Variants in CDC42BPA observed in about 807,000 individuals in gnomAD.
CDC42BPA encodes serine/threonine-protein kinase MRCK alpha.
A neutral mutation model predicts 223.5 loss-of-function variants in CDC42BPA; 80 were observed. That is an observed-to-expected ratio of 0.36 (90% CI 0.30 to 0.43). CDC42BPA has a LOEUF of 0.43. CDC42BPA is among the 20% of genes least tolerant of loss of function. CDC42BPA has a pLI of 1.00. For missense variants in CDC42BPA, 1,743 were observed against 2,099.9 expected (o/e 0.83, Z 3.32); for synonymous variants, 694 against 718.6 (o/e 0.97, Z 0.55).
At chr1:227,269,694 A>C (rs1167078734) in intron 1 of CDC42BPA, among the ~76,000 whole-genome samples, 2 of 152,144 alleles carry the variant, frequency 1.3e-5, no homozygotes, top group African/African-American at 4.8e-5. Context: ...TATTAGAAAA[A>C]TAGGCACTGG....
chr1:227,237,045 C>CCAAAAA (rs1679175640), intron 2 of CDC42BPA, among the ~76,000 whole-genome samples: 1 of 84,396 alleles, frequency 1.2e-5, no homozygotes, highest in Non-Finnish European at 2.2e-5. Flanking sequence ...CCGGTCTCCA[C>CCAAAAA]AAAAAAAAAA....
chr1:226,996,580 C>T lies in CDC42BPA; in HGVS notation c.4976-1600G>A, dbSNP rs191983292. Among the ~76,000 whole-genome samples the T allele has an allele frequency of 5.0e-3, 765 of 152,138 alleles. 3 individuals carry two copies. Among genetic ancestry groups the T allele is most frequent in the Non-Finnish European group, 7.4e-3 (503 of 67,996 alleles). On this transcript the variant is annotated intron_variant, in intron 35 of 36. Coordinates refer to ENST00000366766, the MANE Select transcript of CDC42BPA (RefSeq NM_001394014.1). Reference sequence around the variant, plus strand: ...GGAATGCTTCCAGCTTTTGCCCATTCGGTATGATATTGGCTGTGGGTTTGT... The same window carrying T: ...GGAATGCTTCCAGCTTTTGCCCATTTGGTATGATATTGGCTGTGGGTTTGT...
rs528637478 is a variant in CDC42BPA at position 226,994,754 on chromosome 1, G to A, written c.5133+69C>T. 5 of 1,441,666 alleles carry A rather than the reference G, an allele frequency of 3.5e-6. No individual in the cohort carries two copies. Among genetic ancestry groups the A allele is most frequent in the Non-Finnish European group, 4.7e-6 (5 of 1,060,704 alleles). 89.3% of individuals were successfully genotyped at this position (1,441,666 alleles called of 1,614,324 possible). A position where few individuals can be genotyped will look rare whatever the true frequency, so the allele number is the denominator to read the frequency against. On this transcript the variant is annotated intron_variant, in intron 36 of 36. Transcript: ENST00000366766. This position sits in a 1 kb window ranked among gnomAD's most constrained non-coding sequence, Gnocchi z 4.0. ...CTGCAGCTGAGGCCAATCCCAAGGT[G>A]GTGGGATTGCCTGGGAAGATGCCCT...
rs192770568 is a variant in CDC42BPA, at chr1:227,202,074, C to T, written c.355-2422G>A. On this transcript the variant is annotated intron_variant, in intron 3 of 36. Coordinates refer to ENST00000366766, the MANE Select transcript of CDC42BPA (RefSeq NM_001394014.1). Reference sequence around the variant, plus strand: ...TCTCAGCTCACTGCAACCTCTGCCTCCGGGTGTGAGCAATTCTCCTGCCTT... The same window carrying T: ...TCTCAGCTCACTGCAACCTCTGCCTTCGGGTGTGAGCAATTCTCCTGCCTT... Among the ~76,000 whole-genome samples, 125 of 152,268 alleles carry T rather than the reference C, an allele frequency of 8.2e-4. 1 individual carries two copies. Among genetic ancestry groups the T allele is most frequent in the African/African-American group, 2.9e-3 (119 of 41,562 alleles).
chr1:227,133,545 T>G (rs901270348), intron 10 of CDC42BPA, among the ~76,000 whole-genome samples: 5 of 152,304 alleles, frequency 3.3e-5, no homozygotes, highest in African/African-American at 1.2e-4. Flanking sequence ...GGGAAAAGAT[T>G]GAGAAATCGG....
At chr1:227,251,923 T>A (rs1394598233) in intron 2 of CDC42BPA, among the ~76,000 whole-genome samples, 1 of 152,000 alleles carries the variant, frequency 6.6e-6, no homozygotes, top group Non-Finnish European at 1.5e-5. Flanking sequence ...TGTTTAGAAA[T>A]TTTTTTAATG....
rs926635978 is a variant in CDC42BPA, at chr1:227,294,632, G to A, written c.178+22373C>T. Reference sequence around the variant, plus strand: ...TCCCAGCACTTTGGGAGGCCGAGGCGGGCGGATCACGAGGTCAGGAGATCG... The same window carrying A: ...TCCCAGCACTTTGGGAGGCCGAGGCAGGCGGATCACGAGGTCAGGAGATCG... On this transcript the variant is annotated intron_variant, in intron 1 of 36. Coordinates refer to ENST00000366766, the MANE Select transcript of CDC42BPA (RefSeq NM_001394014.1). 1.2e-3 allele frequency among the ~76,000 whole-genome samples: 85 copies of A among 73,172 alleles called. 15 individuals carry two copies. Among genetic ancestry groups the A allele is most frequent in the African/African-American group, 3.3e-3 (60 of 18,060 alleles). 48.0% of individuals were successfully genotyped at this position (73,172 alleles called of 152,430 possible).
At chr1:227,239,525 G>A (rs1558843162) in intron 2 of CDC42BPA, among the ~76,000 whole-genome samples, 1 of 152,078 alleles carries the variant, frequency 6.6e-6, no homozygotes, top group African/African-American at 2.4e-5. Context: ...GGAACAGGAG[G>A]TATACGGGAA....
At chr1:227,207,367 C>CT (rs1275751280) in intron 3 of CDC42BPA, among the ~76,000 whole-genome samples, 1,191 of 93,862 alleles carry the variant, frequency 0.013, 15 homozygotes, top group East Asian at 0.075. Context: ...TTTTCTTTTT[C>CT]TTTTTTTTTT....
At chr1:227,056,910 T>A (rs1325773903) in intron 21 of CDC42BPA, among the ~76,000 whole-genome samples, 1 of 152,170 alleles carries the variant, frequency 6.6e-6, no homozygotes, top group African/African-American at 2.4e-5. Context: ...CTAGAACAAA[T>A]CCTAACAAAT....
intron 2 of CDC42BPA, among the ~76,000 whole-genome samples, chr1:227,222,797 C>G (rs1676173898): frequency 6.6e-6 from 1 of 152,178 alleles, no homozygotes; most frequent in African/African-American, 2.4e-5. Context: ...CATACAGGTT[C>G]CCGCGGATAC....
intron 3 of CDC42BPA, among the ~76,000 whole-genome samples, chr1:227,203,760 T>C (rs1448662661): frequency 6.6e-6 from 1 of 152,198 alleles, no homozygotes; most frequent in Non-Finnish European, 1.5e-5. Context: ...TTTTCCTTTT[T>C]AAAAAATATT....
At chr1:227,185,702 C>T (rs373031777) in intron 5 of CDC42BPA, among the ~76,000 whole-genome samples, 1 of 151,840 alleles carries the variant, frequency 6.6e-6, no homozygotes, top group South Asian at 2.1e-4. Context: ...CCCCTTCTCT[C>T]TTGCCTATTA....
At chr1:227,264,676 T>A in intron 1 of CDC42BPA, 1 of 599,078 alleles carries the variant, frequency 1.7e-6, no homozygotes, top group East Asian at 2.8e-5. Flanking sequence ...AAAAATTTTT[T>A]AATTTCAAGG....
At chr1:227,025,990 ATG>A in intron 31 of CDC42BPA, 63 bp downstream of exon 31, 2 of 825,314 alleles carry the variant, frequency 2.4e-6, no homozygotes, top group Non-Finnish European at 3.9e-6. Context: ...AAAAATTACT[ATG>A]TAGTAATTTA....
In CDC42BPA at chr1:226,994,605, T is replaced by C. The variant is rs1415922587; in HGVS notation, c.5134-206A>G. 6.6e-6 allele frequency among the ~76,000 whole-genome samples: 1 copy of C among 152,072 alleles called. No individual in the cohort carries two copies. The highest frequency in any genetic ancestry group is 2.4e-5 in the African/African-American group (1 of 41,394). ...CCTTTCTGTAGGCCTTTACAGATGA[T>C]GGTATTTTCACACAAAAGCCAGAAG... On this transcript the variant is annotated intron_variant, in intron 36 of 36. Transcript: ENST00000366766. This position sits in a 1 kb window ranked among gnomAD's most constrained non-coding sequence, Gnocchi z 4.0.
chr1:227,247,761 AGT>A, intron 2 of CDC42BPA, among the ~76,000 whole-genome samples: 1 of 152,122 alleles, frequency 6.6e-6, no homozygotes, highest in South Asian at 2.1e-4. Context: ...ATGCACCTGT[AGT>A]CCCAGCTACT....
intron 11 of CDC42BPA, among the ~76,000 whole-genome samples, chr1:227,122,296 T>C (rs1254793875): frequency 6.6e-6 from 1 of 152,220 alleles, no homozygotes; most frequent in Non-Finnish European, 1.5e-5. Context: ...ACACTTTCTT[T>C]CTTCTACTTC....
At chr1:227,049,503 C>T (rs531911075) in intron 22 of CDC42BPA, among the ~76,000 whole-genome samples, 1 of 151,998 alleles carries the variant, frequency 6.6e-6, no homozygotes, top group African/African-American at 2.4e-5. Context: ...TCAAATAGAT[C>T]TATACATTAA....
Sources: gnomAD v4.1 joint callset for allele counts (sites outside exome capture counted in the v4.1 genomes callset) on GRCh38, gnomAD v4.1.1 for gene constraint, Gnocchi (gnomAD v3.1) non-coding constraint, MANE v1.5 for transcripts, NCBI Gene and HGNC (gene_info 2026-07-23, HGNC 2026-07-21) for gene names.